The following RAD51B variants were observed in gnomAD, a reference collection of about 807,000 sequenced individuals.
The protein encoded by RAD51B is RAD51 paralog B.
Under a neutral mutation model 42.2 loss-of-function variants are expected in RAD51B, and 38 were observed. That is an observed-to-expected ratio of 0.90 (90% CI 0.70 to 1.18). RAD51B has a LOEUF of 1.18. Ranked by LOEUF, RAD51B falls within the 50% of genes most tolerant of loss-of-function variation. The pLI, the probability that RAD51B is intolerant of heterozygous loss-of-function variation, is 0.00. For missense variants in RAD51B, 373 were observed against 400.7 expected (o/e 0.93, Z 0.59); for synonymous variants, 154 against 145.2 (o/e 1.06, Z -0.43).
chr14:68,412,119 T>C (rs1238384369), intron 9 of RAD51B, among the ~76,000 whole-genome samples: 1 of 152,232 alleles, frequency 6.6e-6, no homozygotes, highest in Non-Finnish European at 1.5e-5. Context: ...CCAGAAAGTT[T>C]ACTTTCTACC....
intron 7 of RAD51B, among the ~76,000 whole-genome samples, chr14:68,051,347 G>A (rs1357150445): frequency 1.3e-5 from 2 of 151,992 alleles, no homozygotes; most frequent in Non-Finnish European, 1.5e-5. Context: ...ACATCGGAAT[G>A]TACTCTCATT....
At chr14:68,005,057 T>TC (rs1273649215) in intron 7 of RAD51B, among the ~76,000 whole-genome samples, 2 of 135,534 alleles carry the variant, frequency 1.5e-5, no homozygotes, top group African/African-American at 5.6e-5. Context: ...TTTTTTTTTT[T>TC]TTTTTTTTTT....
chr14:68,037,523 C>T (rs1423408089), intron 7 of RAD51B, among the ~76,000 whole-genome samples: 1 of 151,840 alleles, frequency 6.6e-6, no homozygotes, highest in Non-Finnish European at 1.5e-5. Context: ...CTGGCTGCCT[C>T]TTTCTTTTTT....
intron 7 of RAD51B, among the ~76,000 whole-genome samples, chr14:68,103,059 AACCACCCCCATGATGCAGTT>A (rs1251197845): frequency 2.0e-5 from 3 of 152,118 alleles, no homozygotes; most frequent in Non-Finnish European, 4.4e-5. Context: ...GCATGGGGGT[AACCACCCCCATGATGCAGTT>A]ACCTCCCACT....
chr14:68,056,635 G>T (rs1376024829), intron 7 of RAD51B, among the ~76,000 whole-genome samples: 1 of 151,890 alleles, frequency 6.6e-6, no homozygotes, highest in Non-Finnish European at 1.5e-5. Context: ...TGTAGTCCCA[G>T]CTACTCGGGA....
At chr14:68,359,347 A>G (rs1451434385) in intron 8 of RAD51B, among the ~76,000 whole-genome samples, 1 of 152,050 alleles carries the variant, frequency 6.6e-6, no homozygotes, top group Non-Finnish European at 1.5e-5. Context: ...GGGTGATTGG[A>G]TTCCTTTAGC....
At chr14:68,488,175 A>G (rs1301250901) in intron 10 of RAD51B, among the ~76,000 whole-genome samples, 1 of 146,456 alleles carries the variant, frequency 6.8e-6, no homozygotes, top group Non-Finnish European at 1.5e-5. Context: ...GACAGAAATT[A>G]CGTTCTGTTT....
chr14:68,425,976 C>CG (rs2084830720), intron 9 of RAD51B, among the ~76,000 whole-genome samples: 2 of 98,312 alleles, frequency 2.0e-5, no homozygotes, highest in Non-Finnish European at 4.3e-5. Flanking sequence ...TTCTTTCTTT[C>CG]TTCCTTCCTT....
intron 7 of RAD51B, among the ~76,000 whole-genome samples, chr14:67,975,524 C>T (rs184891785): frequency 3.3e-5 from 5 of 152,302 alleles, no homozygotes; most frequent in African/African-American, 1.2e-4. Flanking sequence ...AATCCTTAAC[C>T]AAATTAAATA....
rs10641411 is a variant in RAD51B, at chr14:68,275,794, CCACACACACACA to C, written c.757-16054_757-16043del. Among the ~76,000 whole-genome samples the C allele has an allele frequency of 4.0e-3, 569 of 141,290 alleles. 2 individuals carry two copies. Among genetic ancestry groups the C allele is most frequent in the African/African-American group, 9.0e-3 (340 of 37,662 alleles). 92.7% of individuals were successfully genotyped at this position (141,290 alleles called of 152,430 possible). On this transcript the variant is annotated intron_variant, in intron 7 of 10. Coordinates refer to ENST00000471583, the MANE Select transcript of RAD51B (RefSeq NM_133510.4). The stretch of plus-strand genomic sequence containing the variant: ...CTAAATACAGTTTGAAACTAGCTCT[CCACACACACACA>C]CACACACACACACACACACACACAC...
intron 10 of RAD51B, among the ~76,000 whole-genome samples, chr14:68,553,462 C>T (rs371394935): frequency 6.6e-6 from 1 of 152,198 alleles, no homozygotes; most frequent in South Asian, 2.1e-4. Context: ...TTTGAGCTGG[C>T]TTCTCTAGTG....
chr14:68,461,476 T>TA (rs1488485535), intron 9 of RAD51B, among the ~76,000 whole-genome samples: 1 of 152,142 alleles, frequency 6.6e-6, no homozygotes, highest in East Asian at 1.9e-4. Context: ...GACCAGGTAG[T>TA]ACAGAACCAG....
intron 7 of RAD51B, among the ~76,000 whole-genome samples, chr14:68,199,033 G>A (rs550892073): frequency 8.8e-4 from 134 of 152,260 alleles, no homozygotes; most frequent in African/African-American, 2.9e-3. Context: ...CCAGCTATTC[G>A]TAGATAGCTA....
At chr14:68,055,965 C>CT (rs1316562311) in intron 7 of RAD51B, among the ~76,000 whole-genome samples, 1 of 152,140 alleles carries the variant, frequency 6.6e-6, no homozygotes, top group Non-Finnish European at 1.5e-5. Flanking sequence ...GTTTTAGTGT[C>CT]TGTCCTTGTT....
chr14:68,470,609 A>T (rs1326063737), intron 10 of RAD51B: 1 of 507,124 alleles, frequency 2.0e-6, no homozygotes, highest in Non-Finnish European at 3.9e-6. Context: ...TTGATGAATC[A>T]CAACCAGCAT....
At chr14:68,665,869 A>AC (rs1452933156) in intron 11 of RAD51B, among the ~76,000 whole-genome samples, 1 of 151,910 alleles carries the variant, frequency 6.6e-6, no homozygotes, top group South Asian at 2.1e-4. Flanking sequence ...AGCCAACTTT[A>AC]CCCCCAACTC....
intron 7 of RAD51B, among the ~76,000 whole-genome samples, chr14:68,162,806 C>A (rs2078670528): frequency 1.3e-5 from 2 of 151,810 alleles, no homozygotes; most frequent in Non-Finnish European, 2.9e-5. Context: ...CAAAACAAAA[C>A]AAACAAACAA....
downstream of RAD51B, among the ~76,000 whole-genome samples, chr14:68,611,803 C>T (rs1891690364): frequency 1.3e-5 from 2 of 152,204 alleles, no homozygotes; most frequent in Admixed American, 1.3e-4. Flanking sequence ...TGGGACATGA[C>T]AGAGCCTGTC....
At chr14:68,060,658 T>C (rs1392192584) in intron 7 of RAD51B, among the ~76,000 whole-genome samples, 2 of 152,202 alleles carry the variant, frequency 1.3e-5, no homozygotes, top group Non-Finnish European at 2.9e-5. Flanking sequence ...CTTTCCAAAG[T>C]ATAGTTGGGA....
Sources: allele counts gnomAD v4.1 joint callset (sites outside exome capture counted in the v4.1 genomes callset), GRCh38; gene constraint gnomAD v4.1.1; transcripts MANE v1.5; gene names NCBI Gene and HGNC (gene_info 2026-07-23, HGNC 2026-07-21).